Variants in EBF1 observed in about 807,000 individuals in gnomAD.
EBF1 encodes the protein transcription factor COE1.
A neutral mutation model predicts 68.4 loss-of-function variants in EBF1; 10 were observed. That is an observed-to-expected ratio of 0.15 (90% CI 0.09 to 0.25). The LOEUF is 0.25. EBF1 is among the 10% of genes least tolerant of loss of function. EBF1 has a pLI of 1.00. For synonymous variants in EBF1, 298 were observed against 299.8 expected (o/e 0.99, Z 0.06); for missense variants, 509 against 794.4 (o/e 0.64, Z 4.32).
intron 10 of EBF1, among the ~76,000 whole-genome samples, chr5:158,744,538 G>T (rs1328828685): frequency 6.6e-6 from 1 of 152,160 alleles, no homozygotes. Context: ...AGCATAAATG[G>T]CACACACAGT....
rs555048703 is a variant in EBF1, at chr5:158,917,916, C to T, written c.555-77806G>A. 3.3e-5 allele frequency among the ~76,000 whole-genome samples: 5 copies of T among 152,204 alleles called. No individual in the cohort carries two copies. In the South Asian group the frequency reaches 1.0e-3, roughly 32 times the overall value. The stretch of plus-strand genomic sequence containing the variant: ...TCAGATATCCCATGAGGTCATCTTT[C>T]CTGTCACAGGGACCCAGGCCTTCAT... On this transcript the variant is annotated intron_variant, in intron 6 of 15. Coordinates refer to ENST00000313708, the MANE Select transcript of EBF1 (RefSeq NM_024007.5).
chr5:159,069,821 T>C (rs1393999362), intron 6 of EBF1, among the ~76,000 whole-genome samples: 1 of 152,162 alleles, frequency 6.6e-6, no homozygotes, highest in East Asian at 1.9e-4. Flanking sequence ...CTCGTTGAAA[T>C]GGGAATAGTC....
intron 6 of EBF1, among the ~76,000 whole-genome samples, chr5:158,997,235 C>A (rs189825157): frequency 9.7e-4 from 148 of 152,264 alleles, no homozygotes; most frequent in African/African-American, 3.4e-3. Context: ...TGGGCAGTTT[C>A]CAGGTGGCCC....
At chr5:158,951,036 A>G (rs1242072002) in intron 6 of EBF1, among the ~76,000 whole-genome samples, 1 of 152,212 alleles carries the variant, frequency 6.6e-6, no homozygotes, top group East Asian at 1.9e-4. Context: ...GAATGAAAAA[A>G]GTTCAAGCCA....
chr5:158,803,943 T>C (rs1237248844), intron 8 of EBF1, among the ~76,000 whole-genome samples: 12 of 116,610 alleles, frequency 1.0e-4, no homozygotes, highest in Admixed American at 1.0e-3. Flanking sequence ...AAGAGTCGTG[T>C]GTGTGTCTGT....
intron 9 of EBF1, among the ~76,000 whole-genome samples, chr5:158,794,637 G>T (rs1779294154): frequency 6.6e-6 from 1 of 152,140 alleles, no homozygotes; most frequent in Admixed American, 6.5e-5. Flanking sequence ...TGACTACAAT[G>T]ACATGAAACA....
intron 6 of EBF1, among the ~76,000 whole-genome samples, chr5:158,988,792 AT>A (rs1759672310): frequency 6.6e-6 from 1 of 152,162 alleles, no homozygotes; most frequent in Non-Finnish European, 1.5e-5. Flanking sequence ...TACTTCAAAT[AT>A]TTTGCTCCTT....
chr5:158,902,018 G>C (rs1803477219), intron 6 of EBF1, among the ~76,000 whole-genome samples: 2 of 152,168 alleles, frequency 1.3e-5, no homozygotes, highest in Admixed American at 6.5e-5. Flanking sequence ...TTGAACCAGG[G>C]GGGCGGAGGT....
chr5:158,813,266 C>A (rs1344490652), intron 8 of EBF1, among the ~76,000 whole-genome samples: 1 of 152,150 alleles, frequency 6.6e-6, no homozygotes, highest in African/African-American at 2.4e-5. Flanking sequence ...TTAACATAAA[C>A]ACACAACCAT....
intron 8 of EBF1, among the ~76,000 whole-genome samples, chr5:158,802,467 C>G (rs957599805): frequency 1.3e-5 from 2 of 152,034 alleles, no homozygotes; most frequent in Admixed American, 1.3e-4. Context: ...TGTAGGAAAA[C>G]GTGCACACTC....
At chr5:158,770,183 G>C (rs1416550638) in intron 10 of EBF1, among the ~76,000 whole-genome samples, 1 of 151,994 alleles carries the variant, frequency 6.6e-6, no homozygotes, top group African/African-American at 2.4e-5. Context: ...CTTAAGTTGA[G>C]GGAGACAAAA....
intron 6 of EBF1, among the ~76,000 whole-genome samples, chr5:159,049,364 G>A (rs1230262941): frequency 6.6e-6 from 1 of 152,182 alleles, no homozygotes; most frequent in East Asian, 1.9e-4. Flanking sequence ...AGCATCACTT[G>A]AGGGAGCTTG....
intron 6 of EBF1, among the ~76,000 whole-genome samples, chr5:159,057,814 T>G (rs1362854507): frequency 6.6e-6 from 1 of 152,214 alleles, no homozygotes; most frequent in Non-Finnish European, 1.5e-5. Context: ...AAACCTGCCT[T>G]TGGGATCTAG....
intron 6 of EBF1, among the ~76,000 whole-genome samples, chr5:158,969,918 A>AGG (rs1554093977): frequency 3.8e-5 from 2 of 53,150 alleles, no homozygotes; most frequent in Non-Finnish European, 8.2e-5. Context: ...GAAAGAAAGA[A>AGG]AAAAAAAAAA....
intron 8 of EBF1, among the ~76,000 whole-genome samples, chr5:158,819,828 T>C (rs1428313936): frequency 6.6e-6 from 1 of 152,188 alleles, no homozygotes; most frequent in Admixed American, 6.5e-5. Context: ...AAAATCTTGG[T>C]ATTTATGAAT....
chr5:158,945,645 G>A (rs1814496901), intron 6 of EBF1, among the ~76,000 whole-genome samples: 1 of 152,198 alleles, frequency 6.6e-6, no homozygotes, highest in South Asian at 2.1e-4. Flanking sequence ...TGACAATTAT[G>A]TGTCTTGGGG....
chr5:158,779,923 C>A (rs1004943529), intron 9 of EBF1, among the ~76,000 whole-genome samples: 3 of 152,070 alleles, frequency 2.0e-5, no homozygotes, highest in Admixed American at 6.6e-5. Context: ...TAATTAATTG[C>A]CCTAACTAAA....
chr5:158,877,619 C>T (rs189654059), intron 6 of EBF1, among the ~76,000 whole-genome samples: 1 of 152,074 alleles, frequency 6.6e-6, no homozygotes, highest in Non-Finnish European at 1.5e-5. Context: ...TTATTTCATT[C>T]CTGTTAGGCT....
Position 158,696,891 on chromosome 5 carries a change from T to C in EBF1, c.*2220A>G, listed in dbSNP as rs888180382. 4.9e-6 allele frequency: 1 copy of C among 202,114 alleles called. No homozygotes were observed. Among genetic ancestry groups the C allele is most frequent in the Non-Finnish European group, 1.0e-5 (1 of 98,680 alleles). 12.5% of individuals were successfully genotyped at this position (202,114 alleles called of 1,614,324 possible). The stretch of plus-strand genomic sequence containing the variant: ...AAACAGTTCTTTTGTGCTTTTCGAT[T>C]TCTTTGTTTTTTTTTTTTTCTTTTT... On this transcript the variant is annotated 3_prime_UTR_variant, in exon 16 of 16. Transcript: ENST00000313708.
Sources: allele counts gnomAD v4.1 joint callset (sites outside exome capture counted in the v4.1 genomes callset), GRCh38; gene constraint gnomAD v4.1.1; transcripts MANE v1.5; gene names NCBI Gene and HGNC (gene_info 2026-07-23, HGNC 2026-07-21).